MRS2: variants seen among roughly 807,000 people sequenced by gnomAD.
MRS2 encodes magnesium transporter MRS2 homolog, mitochondrial.
In MRS2, 40 loss-of-function variants were observed where a neutral mutation model predicts 52.6. That is an observed-to-expected ratio of 0.76 (90% confidence interval 0.59 to 0.99). The LOEUF (loss-of-function observed/expected upper bound fraction) is 0.99, where lower values mean the gene tolerates loss of function less well. MRS2 is among the 50% of genes least tolerant of loss of function. MRS2 has a pLI of 0.00. For synonymous variants in MRS2, 193 were observed against 195.9 expected (o/e 0.98, Z 0.13); for missense variants, 472 against 532.7 (o/e 0.89, Z 1.12).
chr6:24,423,151 T>C (rs1581714377), intron 10 of MRS2, 101 bp downstream of exon 10: 2 of 871,794 alleles, frequency 2.3e-6, no homozygotes, highest in Admixed American at 5.1e-5. Context: ...ACTATGGCCC[T>C]TGCGAGTTGC....
chr6:24,408,472 T>C (rs1221296515), intron 3 of MRS2, 28 bp downstream of exon 3: 1 of 1,465,628 alleles, frequency 6.8e-7, no homozygotes, highest in African/African-American at 1.4e-5. Flanking sequence ...TAAATCATTT[T>C]TTAAACATTT....
chr6:24,403,325 T>C, intron 1 of MRS2, 89 bp downstream of exon 1: 2 of 1,300,206 alleles, frequency 1.5e-6, no homozygotes, highest in Non-Finnish European at 2.0e-6. Flanking sequence ...GGCGCGCCTG[T>C]TGCTCCGCGC....
chr6:24,422,021 C>T (rs982380506), intron 9 of MRS2, among the ~76,000 whole-genome samples: 1 of 151,122 alleles, frequency 6.6e-6, no homozygotes, highest in Non-Finnish European at 1.5e-5. Flanking sequence ...TGGTGCCGCA[C>T]ACCTGTAATC....
chr6:24,413,031 G>C (rs952814603), intron 5 of MRS2, among the ~76,000 whole-genome samples: 1 of 152,150 alleles, frequency 6.6e-6, no homozygotes, highest in African/African-American at 2.4e-5. Flanking sequence ...GCCTTGCTCT[G>C]AAAGAATAGA....
intron 2 of MRS2, among the ~76,000 whole-genome samples, chr6:24,406,443 T>C (rs555904372): frequency 3.9e-5 from 6 of 152,280 alleles, no homozygotes; most frequent in African/African-American, 1.2e-4. Flanking sequence ...ACCACTGTTA[T>C]TCATTGTTCT....
At position 24,418,132 on chromosome 6, in the gene MRS2, G is replaced by T; in HGVS notation, c.885G>T (p.Leu295=). 8.7e-6 allele frequency: 14 copies of T among 1,613,766 alleles called. No homozygotes were observed. Among genetic ancestry groups the T allele is most frequent in the Non-Finnish European group, 1.2e-5 (14 of 1,179,820 alleles). The change falls in exon 8 of 11, where the codon CTG becomes CTT. Residue 295 remains leucine (L), a synonymous_variant. Transcript: ENST00000378386. ...ACCATGCAGAAGAGATGGAGTTGCT[G>T]TTGGAAAACTACTACCGATTGGCTG... ...GIDHAEEMEL[L]LENYYRLADD...
chr6:24,411,549 C>CA (rs1396683098), intron 4 of MRS2, among the ~76,000 whole-genome samples: 3 of 151,386 alleles, frequency 2.0e-5, no homozygotes, highest in Non-Finnish European at 4.4e-5. Flanking sequence ...TTATTTTTTC[C>CA]AAAAAAGAAA....
chr6:24,416,583 G>T (rs1435867949), intron 7 of MRS2, 70 bp downstream of exon 7: 2 of 815,004 alleles, frequency 2.5e-6, no homozygotes, highest in South Asian at 3.0e-5. Flanking sequence ...ACTTCAAGGT[G>T]ATTTTTCATA....
At chr6:24,412,069 G>A (rs1761678622) in intron 4 of MRS2, among the ~76,000 whole-genome samples, 153 bp from the exon 5 acceptor site, 1 of 150,382 alleles carries the variant, frequency 6.6e-6, no homozygotes, top group Admixed American at 6.6e-5. Flanking sequence ...TCCACAATTA[G>A]TAAAGTATTA....
At position 24,425,391 on chromosome 6, in the gene MRS2, A is replaced by G. The variant is rs543355300; in HGVS notation, c.*1697A>G. ...GCTTGGATAAAATAATTTTTTGATG[A>G]ATCATGTCAATAAAAGGAAAAATAA... On this transcript the variant is annotated 3_prime_UTR_variant, in exon 11 of 11. Coordinates refer to ENST00000378386, the MANE Select transcript of MRS2 (RefSeq NM_020662.4). The G allele has an allele frequency of 2.0e-5, 3 of 152,308 alleles. No individual in the cohort carries two copies. Among genetic ancestry groups the G allele is most frequent in the African/African-American group, 7.2e-5 (3 of 41,560 alleles). The allele number at this position is 152,308 out of a possible 1,614,324, so 9.4% of individuals were successfully genotyped here.
Position 24,422,925 on chromosome 6 carries a change from G to T in MRS2, c.1108-12G>T. ...GCGTTTTGCGATGGAAATGAACTGT[G>T]TTCTCTTTTAGGACCATAGAATTTT... On this transcript the variant is annotated splice_polypyrimidine_tract_variant and intron_variant, in intron 9 of 10. Transcript: ENST00000378386. The T allele has an allele frequency of 6.3e-7, 1 of 1,592,170 alleles. No homozygotes were observed.
chr6:24,406,325 G>C (rs905928387), intron 2 of MRS2, among the ~76,000 whole-genome samples: 1 of 152,074 alleles, frequency 6.6e-6, no homozygotes, highest in African/African-American at 2.4e-5. Flanking sequence ...CTCACATATA[G>C]TAAGCCTCAA....
intron 5 of MRS2, among the ~76,000 whole-genome samples, chr6:24,414,790 A>G (rs1461285239): frequency 1.3e-5 from 2 of 152,166 alleles, no homozygotes; most frequent in African/African-American, 2.4e-5. Context: ...AAAGACTCTT[A>G]CGAGAGTTAG....
Position 24,424,902 on chromosome 6 carries a change from C to T in MRS2, c.*1208C>T, listed in dbSNP as rs1762176677. Reference sequence around the variant, plus strand: ...AGGAATAAAAATGTTACTCCCGTCGCTGATTTGGAAGAAAACCGATGAAGT... The same window carrying T: ...AGGAATAAAAATGTTACTCCCGTCGTTGATTTGGAAGAAAACCGATGAAGT... On this transcript the variant is annotated 3_prime_UTR_variant, in exon 11 of 11. Transcript: ENST00000378386. 1 of 152,162 alleles carries T rather than the reference C, an allele frequency of 6.6e-6. No individual in the cohort carries two copies. The highest frequency in any genetic ancestry group is 1.5e-5 in the Non-Finnish European group (1 of 68,032). The allele number at this position is 152,162 out of a possible 1,614,324, so 9.4% of individuals were successfully genotyped here.
chr6:24,403,162 G>A lies in MRS2; in HGVS notation c.116G>A (p.Cys39Tyr). The A allele has an allele frequency of 1.2e-6, 2 of 1,609,158 alleles. No individual in the cohort carries two copies. Among genetic ancestry groups the A allele is most frequent in the Non-Finnish European group, 8.5e-7 (1 of 1,179,868 alleles). Reference protein sequence around the residue: ...VTSVGPPVAACGRRANLIGRS... With the variant: ...VTSVGPPVAAYGRRANLIGRS... Reference sequence around the variant, plus strand: ...TCTGTGGGTCCTCCCGTTGCTGCCTGCGGCCGCCGAGCCAACCTGATTGGA... The same window carrying A: ...TCTGTGGGTCCTCCCGTTGCTGCCTACGGCCGCCGAGCCAACCTGATTGGA... The change falls in exon 1 of 11, where the codon TGC becomes TAC. Residue 39 changes from cysteine (C) to tyrosine (Y), a missense_variant. Coordinates refer to ENST00000378386, the MANE Select transcript of MRS2 (RefSeq NM_020662.4).
Position 24,409,294 on chromosome 6 carries a change from C to T in MRS2, c.302-167C>T, listed in dbSNP as rs559010852. Reference sequence around the variant, plus strand: ...ATCATTAGTTTGACTCTATTTAGCCCGAGTATGTTTTCTAGGTAAAAATGG... The same window carrying T: ...ATCATTAGTTTGACTCTATTTAGCCTGAGTATGTTTTCTAGGTAAAAATGG... On this transcript the variant is annotated intron_variant, in intron 3 of 10. Coordinates refer to ENST00000378386, the MANE Select transcript of MRS2 (RefSeq NM_020662.4). Among the ~76,000 whole-genome samples the T allele has an allele frequency of 3.9e-5, 6 of 152,074 alleles. No homozygotes were observed. The South Asian group carries it at 1.0e-3, about 26-fold the overall frequency.
At chr6:24,416,732 G>A (rs1226260188) in intron 7 of MRS2, among the ~76,000 whole-genome samples, 3 of 152,008 alleles carry the variant, frequency 2.0e-5, no homozygotes, top group African/African-American at 7.3e-5. Flanking sequence ...GCTGACATGT[G>A]GTGAATATAA....
At position 24,412,205 on chromosome 6, in the gene MRS2, T is replaced by TG; in HGVS notation, c.415-17_415-16insG. On this transcript the variant is annotated splice_polypyrimidine_tract_variant and intron_variant, in intron 4 of 10. Coordinates refer to ENST00000378386, the MANE Select transcript of MRS2 (RefSeq NM_020662.4). Reference sequence around the variant, plus strand: ...CACTCACATATTTATATGTTTTGGTTTTTTTTTTTTTAACAGTATTTGAAA... The same window carrying TG: ...CACTCACATATTTATATGTTTTGGTTGTTTTTTTTTTTAACAGTATTTGAAA... 1 of 1,470,574 alleles carries TG rather than the reference T, an allele frequency of 6.8e-7. No homozygotes were observed. Among genetic ancestry groups the TG allele is most frequent in the Non-Finnish European group, 9.1e-7 (1 of 1,095,606 alleles). The allele number at this position is 1,470,574 out of a possible 1,614,324, so 91.1% of individuals were successfully genotyped here.
At chr6:24,413,809 T>A (rs978353551) in intron 5 of MRS2, among the ~76,000 whole-genome samples, 1 of 152,272 alleles carries the variant, frequency 6.6e-6, no homozygotes, top group Non-Finnish European at 1.5e-5. Context: ...TCATCAGTTT[T>A]ACCGCTTGAT....
Sources: gnomAD v4.1 joint callset for allele counts (sites outside exome capture counted in the v4.1 genomes callset) on GRCh38, gnomAD v4.1.1 for gene constraint, MANE v1.5 for transcripts, NCBI Gene and HGNC (gene_info 2026-07-23, HGNC 2026-07-21) for gene names.